Variants in SIGLEC8 observed in about 807,000 individuals in gnomAD.
The protein encoded by SIGLEC8 is sialic acid binding Ig like lectin 8, also known as sialic acid-binding Ig-like lectin 8.
Under a neutral mutation model 42.1 loss-of-function variants are expected in SIGLEC8, and 32 were observed. That is an observed-to-expected ratio of 0.76 (90% CI 0.57 to 1.02). SIGLEC8 has a LOEUF of 1.02. Ranked by LOEUF, SIGLEC8 falls within the 50% of genes least tolerant of loss-of-function variation. The probability of loss-of-function intolerance (pLI) is 0.00; values close to 1 mark genes in which losing one functional copy is unlikely to be tolerated. For synonymous variants in SIGLEC8, 262 were observed against 260.3 expected, an observed-to-expected ratio of 1.01 and a Z score of -0.06; for missense variants, 611 against 610.2, an observed-to-expected ratio of 1.00 and a Z score of -0.01.
chr19:51,453,803 C>G (rs989799663), intron 6 of SIGLEC8: 2 of 985,020 alleles, frequency 2.0e-6, no homozygotes, highest in Non-Finnish European at 2.4e-6. Flanking sequence ...AGACATGATA[C>G]CTGACCTGGG....
chr19:51,452,630 G>T lies in SIGLEC8; in HGVS notation c.1249C>A (p.Pro417Thr). The change falls in exon 7 of 7, where the codon CCC (proline) becomes ACC (threonine). Residue 417 changes from proline to threonine, a missense_variant. Pro to Thr is a conservative substitution (Grantham distance 38). Transcript: ENST00000321424. Reference sequence around the variant, plus strand: ...CCATCTTTCCAGGATTCAGTCAGGGGTCCCTGGACAGAGAGAGAGAAGGGA... The same window carrying T: ...CCATCTTTCCAGGATTCAGTCAGGGTTCCCTGGACAGAGAGAGAGAAGGGA... ...KAIRGSASQG[P>T]LTESWKDGNP... 2 of 1,520,472 alleles carry T rather than the reference G, an allele frequency of 1.3e-6. No individual in the cohort carries two copies. Among genetic ancestry groups the T allele is most frequent in the Non-Finnish European group, 1.8e-6 (2 of 1,130,638 alleles). The allele number at this position is 1,520,472 out of a possible 1,614,324, so 94.2% of individuals were successfully genotyped here.
Position 51,452,317 on chromosome 19 carries a change from G to GA in SIGLEC8, c.*61dup, listed in dbSNP as rs1989382378. 4 of 1,419,580 alleles carry GA rather than the reference G, an allele frequency of 2.8e-6. No homozygotes were observed. The allele number at this position is 1,419,580 out of a possible 1,614,324, so 87.9% of individuals were successfully genotyped here. A position where few individuals can be genotyped will look rare whatever the true frequency, so the allele number is the denominator to read the frequency against. On this transcript the variant is annotated 3_prime_UTR_variant, in exon 7 of 7. Transcript: ENST00000321424. The stretch of plus-strand genomic sequence containing the variant: ...GGTCCAAGTTTTGGTTAGACAGGAG[G>GA]AGGGAGCCCTGGTGACCTACTGCAT...
In SIGLEC8 at chr19:51,454,681, C is replaced by T. The variant is rs36492; in HGVS notation, c.1148+3G>A. The T allele has an allele frequency of 3.7e-6, 6 of 1,610,750 alleles. No homozygotes were observed. The highest frequency in any genetic ancestry group is 4.5e-5 in the East Asian group (2 of 44,860). The stretch of plus-strand genomic sequence containing the variant: ...TCTCTCCCTCCCCAGGGTCAATGCT[C>T]ACATGATGAAGATGATGCAGAAGGA... On this transcript the variant is annotated splice_donor_region_variant and intron_variant, in intron 5 of 6. Transcript: ENST00000321424. This position sits in a 1 kb window ranked among gnomAD's most constrained non-coding sequence, Gnocchi z 4.7.
chr19:51,453,093 TTGG>T (rs1989405367), intron 6 of SIGLEC8, among the ~76,000 whole-genome samples: 1 of 150,124 alleles, frequency 6.7e-6, no homozygotes, highest in South Asian at 2.1e-4. Flanking sequence ...GTTTTGTTTT[TTGG>T]TTTTTTTTTT....
chr19:51,454,177 T>A lies in SIGLEC8; in HGVS notation c.1245+42A>T. 2 of 1,613,126 alleles carry A rather than the reference T, an allele frequency of 1.2e-6. No homozygotes were observed. Among genetic ancestry groups the A allele is most frequent in the Admixed American group, 3.3e-5 (2 of 59,928 alleles). On this transcript the variant is annotated intron_variant, in intron 6 of 6. Transcript: ENST00000321424. The surrounding 1 kb of genome is among the most constrained non-coding windows in gnomAD (Gnocchi z 4.7). ...CCTGGGGGCCATCCTGTCAGAGGTG[T>A]CCAGGCTGGATGCTCGGTGTGGAGA...
At position 51,454,682 on chromosome 19, in the gene SIGLEC8, A is replaced by AGGGT; in HGVS notation, c.1148+1_1148+2insACCC. The AGGGT allele has an allele frequency of 6.2e-7, 1 of 1,610,728 alleles. No homozygotes were observed. The highest frequency in any genetic ancestry group is 8.5e-7 in the Non-Finnish European group (1 of 1,177,198). On this transcript the variant is annotated splice_donor_variant, in intron 5 of 6. Coordinates refer to ENST00000321424, the MANE Select transcript of SIGLEC8 (RefSeq NM_014442.3). LOFTEE classifies it high-confidence loss of function. The surrounding 1 kb of genome is among the most constrained non-coding windows in gnomAD (Gnocchi z 4.7). ...CTCTCCCTCCCCAGGGTCAATGCTC[A>AGGGT]CATGATGAAGATGATGCAGAAGGAC...
At position 51,457,230 on chromosome 19, in the gene SIGLEC8, G is replaced by A. The variant is rs553170554; in HGVS notation, c.735C>T (p.Tyr245=). 5 of 1,613,358 alleles carry A rather than the reference G, an allele frequency of 3.1e-6. No individual in the cohort carries two copies. The highest frequency in any genetic ancestry group is 1.7e-5 in the Admixed American group (1 of 59,956). Residue 245 remains tyrosine (Y), a splice_region_variant and synonymous_variant, in exon 3 of 7, where the codon TAC becomes TAT. Transcript: ENST00000321424. ...CAGTCATGGTCAAGTTCCAAGGAGG[G>A]TCTGGGACAGAAAGACATGAAGACC... The part of the protein sequence containing the change: ...TTSTVRLDVS[Y]PPWNLTMTVF...
intron 6 of SIGLEC8, 30 bp from the exon 7 acceptor site, chr19:51,452,663 C>T (rs771594534): frequency 2.0e-6 from 3 of 1,481,322 alleles, no homozygotes; most frequent in Non-Finnish European, 2.7e-6. Context: ...GGAGTCAGAA[C>T]AGAGCAGTGG....
In SIGLEC8 at chr19:51,455,490, T is replaced by C; in HGVS notation, c.979A>G (p.Thr327Ala). 3 of 1,613,952 alleles carry C rather than the reference T, an allele frequency of 1.9e-6. No individual in the cohort carries two copies. The highest frequency in any genetic ancestry group is 2.5e-6 in the Non-Finnish European group (3 of 1,179,956). ...CCCTGAGCGTTCTGAGCTCGGCAGGTGAATTCCCCTTCATCCCTCACGTGC... is the reference window on the plus strand; with the variant it reads ...CCCTGAGCGTTCTGAGCTCGGCAGGCGAATTCCCCTTCATCCCTCACGTGC... ...RVHVRDEGEF[T>A]CRAQNAQGSQ... Residue 327 changes from threonine (T) to alanine (A), a missense_variant, in exon 4 of 7, where the codon ACC becomes GCC. Coordinates refer to ENST00000321424, the MANE Select transcript of SIGLEC8 (RefSeq NM_014442.3).
chr19:51,453,114 A>C (rs960579322), intron 6 of SIGLEC8, among the ~76,000 whole-genome samples: 1 of 151,052 alleles, frequency 6.6e-6, no homozygotes, highest in Non-Finnish European at 1.5e-5. Flanking sequence ...TTTGAGACAG[A>C]GTCTGGCTCT....
rs373554885 is a variant in SIGLEC8, at chr19:51,458,403, C to T, written c.-16G>A. 166 of 1,602,694 alleles carry T rather than the reference C, an allele frequency of 1.0e-4. No individual in the cohort carries two copies. Among genetic ancestry groups the T allele is most frequent in the Middle Eastern group, 5.0e-4 (3 of 6,020 alleles). On this transcript the variant is annotated 5_prime_UTR_variant, in exon 1 of 7. Transcript: ENST00000321424. ...GCAGCAGCATGTCTGGGTTTGAAGG[C>T]GCCAGGGCCGCCAGGGAACGTCTGT...
chr19:51,452,781 T>G, intron 6 of SIGLEC8, 148 bp from the exon 7 acceptor site: 1 of 651,436 alleles, frequency 1.5e-6, no homozygotes, highest in African/African-American at 1.8e-5. Context: ...CCTCCAACAT[T>G]TAACACTTAC....
intron 6 of SIGLEC8, among the ~76,000 whole-genome samples, chr19:51,453,022 C>T (rs1396336738): frequency 6.6e-6 from 1 of 152,138 alleles, no homozygotes; most frequent in Non-Finnish European, 1.5e-5. Flanking sequence ...GCTGGATAAA[C>T]TATGATGGAC....
rs1435758751 is a variant in SIGLEC8 at position 51,454,457 on chromosome 19, C to T, written c.1149-142G>A. On this transcript the variant is annotated intron_variant, in intron 5 of 6. Coordinates refer to ENST00000321424, the MANE Select transcript of SIGLEC8 (RefSeq NM_014442.3). The surrounding 1 kb of genome is among the most constrained non-coding windows in gnomAD (Gnocchi z 4.7). Reference sequence around the variant, plus strand: ...GGTGGTCCAGTTCCAGAGACCCCAACGGTGAAAACAGAGGCTCCTGCCTCA... The same window carrying T: ...GGTGGTCCAGTTCCAGAGACCCCAATGGTGAAAACAGAGGCTCCTGCCTCA... 3.2e-5 allele frequency: 47 copies of T among 1,482,316 alleles called. No individual in the cohort carries two copies. The highest frequency in any genetic ancestry group is 3.6e-5 in the South Asian group (3 of 83,048). The allele number at this position is 1,482,316 out of a possible 1,614,324, so 91.8% of individuals were successfully genotyped here.
Position 51,452,482 on chromosome 19 carries a change from G to A in SIGLEC8, c.1397C>T (p.Thr466Ile). 6.2e-7 allele frequency: 1 copy of A among 1,612,478 alleles called. No individual in the cohort carries two copies. The highest frequency in any genetic ancestry group is 1.3e-5 in the African/African-American group (1 of 75,030). ...CTTGATCTCCGAGTATTCACTGTCA[G>A]TGGCCTCCTGTCCCTGCGGGTCCTG... ...KPQDPQGQEATDSEYSEIKIH... is the reference protein window; with the variant it reads ...KPQDPQGQEAIDSEYSEIKIH... Residue 466 changes from threonine to isoleucine, a missense_variant, in exon 7 of 7, where the codon ACT becomes ATT. By Grantham distance (89) the Thr-to-Ile change is moderately conservative (BLOSUM62 -1). Coordinates refer to ENST00000321424, the MANE Select transcript of SIGLEC8 (RefSeq NM_014442.3).
rs201562965 is a variant in SIGLEC8, at chr19:51,457,635, G to A, written c.559C>T (p.Pro187Ser). 22 of 1,612,166 alleles carry A rather than the reference G, an allele frequency of 1.4e-5. No homozygotes were observed. The highest frequency in any genetic ancestry group is 1.9e-5 in the Non-Finnish European group (22 of 1,179,008). Residue 187 changes from proline to serine, a missense_variant, in exon 2 of 7, where the codon CCC (proline) becomes TCC (serine). Transcript: ENST00000321424. ...VPWACKQGTP[P>S]MISWIGASVS... ...GAGGCCCCAATCCAGGAGATCATGG[G>A]GGGTGTCCCCTGCTTACAGGCCCAG...
intron 6 of SIGLEC8, chr19:51,453,814 G>A (rs186901058): frequency 2.0e-6 from 2 of 985,008 alleles, no homozygotes; most frequent in African/African-American, 3.5e-5. Flanking sequence ...CTGACCTGGG[G>A]AAGCTCACAG....
chr19:51,456,090 G>A (rs80205931), intron 3 of SIGLEC8, among the ~76,000 whole-genome samples: 1 of 121,352 alleles, frequency 8.2e-6, no homozygotes, highest in South Asian at 3.2e-4. Context: ...TGGGGGGAGG[G>A]ATAGCATTAG....
chr19:51,452,683 G>A, intron 6 of SIGLEC8, 50 bp from the exon 7 acceptor site: 2 of 1,427,976 alleles, frequency 1.4e-6, no homozygotes, highest in Non-Finnish European at 1.8e-6. Context: ...GGGCCAGGAT[G>A]AGGCAGGGAG....
Sources: allele counts gnomAD v4.1 joint callset (sites outside exome capture counted in the v4.1 genomes callset), GRCh38; gene constraint gnomAD v4.1.1; non-coding constraint Gnocchi (gnomAD v3.1); transcripts MANE v1.5; gene names NCBI Gene and HGNC (gene_info 2026-07-23, HGNC 2026-07-21).